The following PDE3B variants were observed in gnomAD, a reference collection of about 807,000 sequenced individuals.
PDE3B encodes phosphodiesterase 3B, also known as cGMP-inhibited 3',5'-cyclic phosphodiesterase 3B.
Under a neutral mutation model 116.8 loss-of-function variants are expected in PDE3B, and 66 were observed. The ratio of observed to expected loss-of-function variants is 0.56; its 90% CI spans 0.46 to 0.69. The LOEUF (loss-of-function observed/expected upper bound fraction) is 0.69. PDE3B is among the 30% of genes least tolerant of loss of function. The pLI is 0.00. For missense variants in PDE3B, 1,384 were observed against 1,368.1 expected (o/e 1.01, Z -0.18); for synonymous variants, 595 against 533.6 (o/e 1.12, Z -1.59).
At chr11:14,807,660 T>G (rs1355901777) in intron 5 of PDE3B, among the ~76,000 whole-genome samples, 1 of 152,152 alleles carries the variant, frequency 6.6e-6, no homozygotes, top group African/African-American at 2.4e-5. Flanking sequence ...ATATACACCT[T>G]TGGGGTAGAG....
intron 1 of PDE3B, among the ~76,000 whole-genome samples, chr11:14,712,030 A>T (rs1855718680): frequency 6.6e-6 from 1 of 152,206 alleles, no homozygotes; most frequent in Non-Finnish European, 1.5e-5. Context: ...AAGTCCAAGA[A>T]TGGCTGTAGG....
chr11:14,705,585 T>C (rs1024427768), intron 1 of PDE3B, among the ~76,000 whole-genome samples: 9 of 151,798 alleles, frequency 5.9e-5, no homozygotes, highest in African/African-American at 2.2e-4. Flanking sequence ...TGTACAACAT[T>C]TGTTAAAAAT....
chr11:14,861,663 C>A (rs536252949), intron 14 of PDE3B, among the ~76,000 whole-genome samples: 6 of 152,132 alleles, frequency 3.9e-5, no homozygotes, highest in South Asian at 4.1e-4. Flanking sequence ...TCAATTCTTG[C>A]CCCCTCAGAA....
intron 14 of PDE3B, among the ~76,000 whole-genome samples, chr11:14,863,809 A>C (rs1847993100): frequency 6.6e-6 from 1 of 152,200 alleles, no homozygotes; most frequent in Non-Finnish European, 1.5e-5. Context: ...AGGACACACT[A>C]AATATGGAAA....
chr11:14,644,308 C>G lies in PDE3B; in HGVS notation c.233C>G (p.Ala78Gly). 1.3e-6 allele frequency: 2 copies of G among 1,564,002 alleles called. No individual in the cohort carries two copies. The highest frequency in any genetic ancestry group is 1.7e-6 in the Non-Finnish European group (2 of 1,161,438). The stretch of plus-strand genomic sequence containing the variant: ...CGGCGCTGCTCCCCCTTCTGCCGGG[C>G]GCGCCTCTCGCTGGGCGCCCTGGCT... ...QPRRCSPFCRARLSLGALAAF... is the reference protein window; with the variant it reads ...QPRRCSPFCRGRLSLGALAAF... Residue 78 changes from alanine to glycine, a missense_variant, in exon 1 of 16, where the codon GCG becomes GGG. Coordinates refer to ENST00000282096, the MANE Select transcript of PDE3B (RefSeq NM_000922.4).
Position 14,644,777 on chromosome 11 carries a change from C to T in PDE3B, c.702C>T (p.Phe234=). The change falls in exon 1 of 16, where the codon TTC becomes TTT. Residue 234 remains phenylalanine (F), a synonymous_variant. Coordinates refer to ENST00000282096, the MANE Select transcript of PDE3B (RefSeq NM_000922.4). ...CCAGCTTCGTCTGGTGGGTCTCCTTCACCAGCCTCGGGTCGCTGCCCTCCG... is the reference window on the plus strand; with the variant it reads ...CCAGCTTCGTCTGGTGGGTCTCCTTTACCAGCCTCGGGTCGCTGCCCTCCG... ...LLASFVWWVS[F]TSLGSLPSAL... 1 of 1,607,714 alleles carries T rather than the reference C, an allele frequency of 6.2e-7. No homozygotes were observed. The highest frequency in any genetic ancestry group is 8.5e-7 in the Non-Finnish European group (1 of 1,177,520).
the PDE3B span, chr11:14,885,813 T>C: frequency 4.3e-6 from 7 of 1,613,336 alleles, no homozygotes; most frequent in Admixed American, 1.7e-5. Flanking sequence ...AAGGAAGGCA[T>C]GGTCTGTCTG....
intron 2 of PDE3B, among the ~76,000 whole-genome samples, chr11:14,783,228 A>G (rs755734195): frequency 6.6e-6 from 1 of 152,246 alleles, no homozygotes; most frequent in Non-Finnish European, 1.5e-5. Context: ...GGAACTAGAA[A>G]TACCATTTGA....
intron 12 of PDE3B, among the ~76,000 whole-genome samples, chr11:14,858,281 T>C (rs1847885751): frequency 6.7e-6 from 1 of 148,652 alleles, no homozygotes; most frequent in Non-Finnish European, 1.5e-5. Context: ...GTTTTTTTAA[T>C]AATTACTATG....
intron 1 of PDE3B, among the ~76,000 whole-genome samples, chr11:14,729,842 A>T (rs1057461373): frequency 2.6e-5 from 4 of 152,372 alleles, no homozygotes; most frequent in African/African-American, 9.6e-5. Flanking sequence ...TGAATAAGTT[A>T]TCAAATAGAG....
At chr11:14,721,675 C>G (rs12788363) in intron 1 of PDE3B, among the ~76,000 whole-genome samples, 1 of 109,720 alleles carries the variant, frequency 9.1e-6, no homozygotes, top group Non-Finnish European at 1.8e-5. Context: ...ATCGCAAGAA[C>G]AAAAAACCAA....
intron 4 of PDE3B, among the ~76,000 whole-genome samples, chr11:14,798,836 G>C (rs1858647391): frequency 6.6e-6 from 1 of 151,652 alleles, no homozygotes; most frequent in Non-Finnish European, 1.5e-5. Context: ...TTCCTTATTA[G>C]CCTGGCTAGT....
At chr11:14,889,153 A>G in the PDE3B span, among the ~76,000 whole-genome samples, 1 of 144,820 alleles carries the variant, frequency 6.9e-6, no homozygotes, top group Non-Finnish European at 1.5e-5. Context: ...AAGCAATTTT[A>G]AAGTCCAGTT....
intron 1 of PDE3B, among the ~76,000 whole-genome samples, chr11:14,721,500 A>G (rs1231492001): frequency 6.6e-6 from 1 of 151,804 alleles, no homozygotes; most frequent in Non-Finnish European, 1.5e-5. Context: ...CATTATTCAC[A>G]ATAGCAAAGA....
At chr11:14,757,391 A>G (rs1010704196) in intron 1 of PDE3B, among the ~76,000 whole-genome samples, 2 of 150,322 alleles carry the variant, frequency 1.3e-5, no homozygotes, top group Non-Finnish European at 1.5e-5. Flanking sequence ...GACTTCCACA[A>G]TGGTTGAACT....
intron 1 of PDE3B, among the ~76,000 whole-genome samples, chr11:14,751,892 C>T (rs1419138958): frequency 1.3e-5 from 2 of 152,112 alleles, no homozygotes; most frequent in East Asian, 1.9e-4. Flanking sequence ...GCTGCCCTTG[C>T]TAACAGGCTG....
rs529647008 is a variant in PDE3B, at chr11:14,870,856, C to A, written c.*1196C>A. On this transcript the variant is annotated 3_prime_UTR_variant, in exon 16 of 16. Coordinates refer to ENST00000282096, the MANE Select transcript of PDE3B (RefSeq NM_000922.4). The surrounding 1 kb of genome is among the most constrained non-coding windows in gnomAD (Gnocchi z 4.1). Reference sequence around the variant, plus strand: ...AAATGTGTTAATAAATCATTTCATACAAAAGTACATTATTAAATAACCACA... The same window carrying A: ...AAATGTGTTAATAAATCATTTCATAAAAAAGTACATTATTAAATAACCACA... 2.6e-5 allele frequency: 4 copies of A among 152,048 alleles called. No homozygotes were observed. Among genetic ancestry groups the A allele is most frequent in the African/African-American group, 9.7e-5 (4 of 41,392 alleles). 9.4% of individuals were successfully genotyped at this position (152,048 alleles called of 1,614,324 possible).
intron 1 of PDE3B, among the ~76,000 whole-genome samples, chr11:14,692,738 C>T (rs575616694): frequency 6.6e-6 from 1 of 152,174 alleles, no homozygotes; most frequent in Admixed American, 6.6e-5. Flanking sequence ...ATCTTTCTCC[C>T]CTGTCCTTGG....
At chr11:14,812,146 T>C (rs1274250669) in intron 5 of PDE3B, among the ~76,000 whole-genome samples, 1 of 152,202 alleles carries the variant, frequency 6.6e-6, no homozygotes, top group African/African-American at 2.4e-5. Context: ...ATGGTTTCTT[T>C]TTGAGTTTAT....
Sources: gnomAD v4.1 joint callset for allele counts (sites outside exome capture counted in the v4.1 genomes callset) on GRCh38, gnomAD v4.1.1 for gene constraint, Gnocchi (gnomAD v3.1) non-coding constraint, MANE v1.5 for transcripts, NCBI Gene and HGNC (gene_info 2026-07-23, HGNC 2026-07-21) for gene names.